Variants in UTS2B observed in about 807,000 individuals in gnomAD.
UTS2B encodes the protein urotensin-2B.
UTS2B carries 21 observed loss-of-function variants against 19.2 expected under a neutral mutation model. The observed-to-expected ratio is 1.09, with a 90% CI of 0.78 to 1.58. The LOEUF is 1.58. Among genes scored for constraint, UTS2B ranks in the 40% most tolerant of loss-of-function variants. The probability of loss-of-function intolerance (pLI) is 0.00; values close to 1 mark genes in which losing one functional copy is unlikely to be tolerated. For missense variants in UTS2B, 138 were observed against 130.3 expected (o/e 1.06, Z -0.29); for synonymous variants, 57 against 50.2 (o/e 1.14, Z -0.58).
At position 191,278,105 on chromosome 3, in the gene UTS2B, T is replaced by C; in HGVS notation, c.169A>G (p.Lys57Glu). 1 of 1,569,072 alleles carries C rather than the reference T, an allele frequency of 6.4e-7. No individual in the cohort carries two copies. Among genetic ancestry groups the C allele is most frequent in the Non-Finnish European group, 8.6e-7 (1 of 1,161,302 alleles). The change falls in exon 6 of 9, where the codon AAA becomes GAA. Residue 57 changes from lysine to glutamate, a missense_variant. Coordinates refer to ENST00000340524, the MANE Select transcript of UTS2B (RefSeq NM_198152.5). The part of the protein sequence containing the change: ...REELLLALLN[K>E]NFDFQRPFNT... ...AAAGGTCTTTGGAAATCAAAATTTT[T>C]ATTCAGTAGAGCCAGCAATAGTTCC...
intron 2 of UTS2B, among the ~76,000 whole-genome samples, chr3:191,317,567 T>TTTGTTG (rs61650426): frequency 0.031 from 4,697 of 151,372 alleles, 178 homozygotes; most frequent in African/African-American, 0.095. Context: ...TAGGATAGTC[T>TTTGTTG]TTGTTGTTGT....
intron 4 of UTS2B, among the ~76,000 whole-genome samples, chr3:191,304,037 T>G (rs1281828657): frequency 6.6e-6 from 1 of 151,890 alleles, no homozygotes; most frequent in Non-Finnish European, 1.5e-5. Context: ...TGGCGCAATC[T>G]CGGCTCACTG....
chr3:191,343,451 C>T, the UTS2B span, among the ~76,000 whole-genome samples: 5 of 152,180 alleles, frequency 3.3e-5, no homozygotes, highest in Non-Finnish European at 7.3e-5. Context: ...TAATCTTTCT[C>T]TAAGTATAAT....
chr3:191,269,853 T>C (rs549618766), intron 8 of UTS2B, among the ~76,000 whole-genome samples: 40 of 152,338 alleles, frequency 2.6e-4, no homozygotes, highest in African/African-American at 5.8e-4. Flanking sequence ...TTGGATGTGG[T>C]CAAAGGGAAC....
chr3:191,310,472 C>A (rs1405814827), intron 3 of UTS2B, among the ~76,000 whole-genome samples: 2 of 152,162 alleles, frequency 1.3e-5, no homozygotes, highest in Admixed American at 6.5e-5. Flanking sequence ...TGTAACAAAT[C>A]CTATTTAGTG....
chr3:191,329,942 T>TGG (rs34226642), intron 1 of UTS2B, among the ~76,000 whole-genome samples: 3 of 102,956 alleles, frequency 2.9e-5, no homozygotes, highest in Non-Finnish European at 4.5e-5. Flanking sequence ...AGGGGGTGGT[T>TGG]GGGGGGGGGG....
At chr3:191,327,475 T>C (rs1717774944) in intron 2 of UTS2B, among the ~76,000 whole-genome samples, 1 of 152,202 alleles carries the variant, frequency 6.6e-6, no homozygotes, top group African/African-American at 2.4e-5. Context: ...CATCACACTC[T>C]AGGCCTGAAG....
the UTS2B span, among the ~76,000 whole-genome samples, chr3:191,336,878 A>G: frequency 3.3e-5 from 5 of 152,218 alleles, no homozygotes; most frequent in Admixed American, 6.5e-5. Flanking sequence ...AGTAATTCAA[A>G]TTTGTTGCAG....
intron 8 of UTS2B, among the ~76,000 whole-genome samples, chr3:191,274,305 G>C (rs112336745): frequency 6.5e-4 from 99 of 152,232 alleles, no homozygotes; most frequent in African/African-American, 2.3e-3. Flanking sequence ...AATAATTGTA[G>C]TAATAATGAT....
At chr3:191,302,049 T>C (rs1451218775) in intron 4 of UTS2B, among the ~76,000 whole-genome samples, 1 of 152,132 alleles carries the variant, frequency 6.6e-6, no homozygotes, top group African/African-American at 2.4e-5. Flanking sequence ...CAGGATGAGA[T>C]AGAAGGTCAG....
At chr3:191,328,134 T>A (rs535845583) in intron 2 of UTS2B, 2 of 152,182 alleles carry the variant, frequency 1.3e-5, no homozygotes, top group African/African-American at 4.8e-5. Context: ...GCCTTGAAAG[T>A]CTTCTAAATT....
intron 8 of UTS2B, among the ~76,000 whole-genome samples, chr3:191,269,185 AG>A (rs1716021151): frequency 6.6e-6 from 1 of 152,222 alleles, no homozygotes; most frequent in South Asian, 2.1e-4. Flanking sequence ...CCTTGGGAGA[AG>A]GGCCTTTGAT....
chr3:191,307,771 T>A (rs1409284279), intron 3 of UTS2B, among the ~76,000 whole-genome samples: 1 of 152,206 alleles, frequency 6.6e-6, no homozygotes, highest in East Asian at 1.9e-4. Context: ...GTCTCTCTTC[T>A]TTGTCAGTCA....
At chr3:191,273,702 A>G (rs533247106) in intron 8 of UTS2B, 2 of 350,394 alleles carry the variant, frequency 5.7e-6, no homozygotes, top group South Asian at 4.5e-5. Context: ...GAAAGGTCCA[A>G]CAAATCTCTA....
chr3:191,329,375 T>G, intron 1 of UTS2B: 3 of 355,790 alleles, frequency 8.4e-6, no homozygotes, highest in African/African-American at 2.2e-5. Context: ...TCTCCCTCCG[T>G]ACTGGACGGC....
intron 3 of UTS2B, among the ~76,000 whole-genome samples, chr3:191,306,203 G>T (rs1362320811): frequency 6.6e-6 from 1 of 152,164 alleles, no homozygotes; most frequent in East Asian, 1.9e-4. Context: ...GTGCTGTGAA[G>T]AATGTCAATG....
intron 2 of UTS2B, among the ~76,000 whole-genome samples, chr3:191,320,341 G>A (rs78694524): frequency 0.011 from 1,672 of 152,290 alleles, 29 homozygotes; most frequent in African/African-American, 0.037. Context: ...AAGACTATGC[G>A]TGGCTTATTC....
upstream of UTS2B, among the ~76,000 whole-genome samples, chr3:191,335,458 A>G (rs956661147): frequency 3.9e-4 from 59 of 152,340 alleles, no homozygotes; most frequent in African/African-American, 1.4e-3. Context: ...ATTAGTTTTT[A>G]TATTTAGAAG....
chr3:191,288,494 A>G (rs753620340), intron 4 of UTS2B, among the ~76,000 whole-genome samples: 1 of 152,216 alleles, frequency 6.6e-6, no homozygotes, highest in Non-Finnish European at 1.5e-5. Context: ...TTGATTTTCA[A>G]CAAAGATGCC....
Sources: gnomAD v4.1 joint callset for allele counts (sites outside exome capture counted in the v4.1 genomes callset) on GRCh38, gnomAD v4.1.1 for gene constraint, MANE v1.5 for transcripts, NCBI Gene and HGNC (gene_info 2026-07-23, HGNC 2026-07-21) for gene names.